Variants in WDFY2 observed in about 807,000 individuals in gnomAD.
WDFY2 encodes WD repeat and FYVE domain containing 2, also known as WD repeat and FYVE domain-containing protein 2.
WDFY2 carries 36 observed loss-of-function variants against 56.4 expected under a neutral mutation model. That is an observed-to-expected ratio of 0.64 (90% CI 0.49 to 0.84). WDFY2 has a LOEUF of 0.84. WDFY2 is among the 40% of genes least tolerant of loss of function. WDFY2 has a pLI of 0.00. For synonymous variants in WDFY2, 176 were observed against 183.7 expected, an observed-to-expected ratio of 0.96 and a Z score of 0.34; for missense variants, 444 against 512.2, an observed-to-expected ratio of 0.87 and a Z score of 1.29.
At chr13:51,684,371 T>G (rs538984432) in intron 3 of WDFY2, among the ~76,000 whole-genome samples, 126 of 151,294 alleles carry the variant, frequency 8.3e-4, no homozygotes, top group East Asian at 9.7e-4. Flanking sequence ...ATTTGGTGTT[T>G]TTTTTTTTTT....
At chr13:51,653,110 A>G (rs1955431216) in intron 1 of WDFY2, among the ~76,000 whole-genome samples, 1 of 152,032 alleles carries the variant, frequency 6.6e-6, no homozygotes, top group African/African-American at 2.4e-5. Flanking sequence ...GTTTCTTTTT[A>G]TTCTTTTTTC....
chr13:51,656,557 T>C (rs995686359), intron 1 of WDFY2, among the ~76,000 whole-genome samples: 1 of 152,028 alleles, frequency 6.6e-6, no homozygotes, highest in Non-Finnish European at 1.5e-5. Flanking sequence ...TGTATGGATG[T>C]TCTATCTTTT....
chr13:51,635,315 A>G (rs1392889529), intron 1 of WDFY2, among the ~76,000 whole-genome samples: 2 of 152,204 alleles, frequency 1.3e-5, no homozygotes, highest in Non-Finnish European at 2.9e-5. Flanking sequence ...TTTTCATGCC[A>G]GGCTGTGAAG....
At chr13:51,689,435 G>A (rs1015119071) in intron 3 of WDFY2, among the ~76,000 whole-genome samples, 14 of 152,144 alleles carry the variant, frequency 9.2e-5, no homozygotes, top group African/African-American at 3.4e-4. Context: ...TTGTCTCTTT[G>A]TAGGTGATAT....
intron 1 of WDFY2, among the ~76,000 whole-genome samples, chr13:51,607,170 C>CT (rs1345693387): frequency 6.6e-6 from 1 of 152,188 alleles, no homozygotes; most frequent in Non-Finnish European, 1.5e-5. Context: ...AGTTTTTCAC[C>CT]TTTAAGTATC....
intron 3 of WDFY2, among the ~76,000 whole-genome samples, chr13:51,698,694 G>C (rs920160236): frequency 6.6e-6 from 1 of 151,996 alleles, no homozygotes; most frequent in Non-Finnish European, 1.5e-5. Flanking sequence ...AAACTATTAA[G>C]GAAAAATTGT....
chr13:51,718,703 G>T lies in WDFY2; in HGVS notation c.335-495G>T, dbSNP rs559127547. On this transcript the variant is annotated intron_variant, in intron 4 of 11. Transcript: ENST00000298125. The stretch of plus-strand genomic sequence containing the variant: ...ATTTCTGAAAGAAAGTGTTCATCTA[G>T]AACTTTTGTATGGCTTTATAAGACA... Among the ~76,000 whole-genome samples the T allele has an allele frequency of 4.0e-4, 61 of 152,074 alleles. 2 individuals carry two copies. The South Asian group carries it at 0.012, about 31-fold the overall frequency.
intron 6 of WDFY2, among the ~76,000 whole-genome samples, chr13:51,730,993 G>A (rs1034922866): frequency 2.0e-5 from 3 of 152,196 alleles, no homozygotes; most frequent in African/African-American, 7.2e-5. Flanking sequence ...AGCAAAGAAG[G>A]TAACCTGATT....
At chr13:51,699,414 CT>C (rs1223650611) in intron 3 of WDFY2, among the ~76,000 whole-genome samples, 1 of 152,326 alleles carries the variant, frequency 6.6e-6, no homozygotes, top group Non-Finnish European at 1.5e-5. Flanking sequence ...GCATCACCGT[CT>C]TTCTCCGCTT....
At chr13:51,596,973 C>T (rs749375449) in intron 1 of WDFY2, among the ~76,000 whole-genome samples, 9 of 152,142 alleles carry the variant, frequency 5.9e-5, no homozygotes, top group South Asian at 2.1e-4. Flanking sequence ...GTGTAGTATA[C>T]GGAGAAGAAG....
At chr13:51,709,793 A>G (rs1361200356) in intron 4 of WDFY2, among the ~76,000 whole-genome samples, 3 of 152,218 alleles carry the variant, frequency 2.0e-5, no homozygotes, top group African/African-American at 7.2e-5. Context: ...GCAATAATTA[A>G]TAGGCTACCA....
intron 8 of WDFY2, 165 bp downstream of exon 8, chr13:51,751,580 G>A: frequency 3.0e-6 from 2 of 661,706 alleles, no homozygotes; most frequent in Non-Finnish European, 5.3e-6. Flanking sequence ...TCCCTCACAA[G>A]TTGGCATGTA....
chr13:51,758,465 T>C (rs933933979), intron 11 of WDFY2, among the ~76,000 whole-genome samples, 165 bp downstream of exon 11: 3 of 151,658 alleles, frequency 2.0e-5, no homozygotes, highest in Non-Finnish European at 4.4e-5. Flanking sequence ...GAGGGAGGAT[T>C]GCTTGAGTCC....
At chr13:51,642,676 CTT>C (rs999605077) in intron 1 of WDFY2, among the ~76,000 whole-genome samples, 9 of 103,076 alleles carry the variant, frequency 8.7e-5, no homozygotes, top group African/African-American at 1.9e-4. Context: ...GGGCATCTGT[CTT>C]TTTTTTTTTT....
intron 2 of WDFY2, among the ~76,000 whole-genome samples, chr13:51,664,229 A>C (rs555454278): frequency 6.6e-6 from 1 of 152,282 alleles, no homozygotes; most frequent in African/African-American, 2.4e-5. Context: ...TGCTTTGGGG[A>C]TGTCTTCCTA....
Position 51,710,356 on chromosome 13 carries a change from C to G in WDFY2, c.334+6706C>G, listed in dbSNP as rs535912301. On this transcript the variant is annotated intron_variant, in intron 4 of 11. Transcript: ENST00000298125. ...ATACTGAATGGGCAAAAACTGGAAGCATTCCCTTTGAAAACTGGCACAAGA... is the reference window on the plus strand; with the variant it reads ...ATACTGAATGGGCAAAAACTGGAAGGATTCCCTTTGAAAACTGGCACAAGA... Among the ~76,000 whole-genome samples the G allele has an allele frequency of 3.0e-3, 459 of 152,246 alleles. 2 individuals carry two copies. The highest frequency in any genetic ancestry group is 4.8e-3 in the Non-Finnish European group (328 of 68,012).
intron 3 of WDFY2, among the ~76,000 whole-genome samples, chr13:51,692,352 T>G (rs1951758591): frequency 6.6e-6 from 1 of 152,208 alleles, no homozygotes; most frequent in Non-Finnish European, 1.5e-5. Context: ...GCTCTTATTA[T>G]TTTGAAATAC....
rs940242029 is a variant in WDFY2, at chr13:51,763,160, A to G, written c.*3391A>G. On this transcript the variant is annotated 3_prime_UTR_variant, in exon 12 of 12. Coordinates refer to ENST00000298125, the MANE Select transcript of WDFY2 (RefSeq NM_052950.4). ...GATGTAAACAAGAGAATCTAAAAGA[A>G]TGTTCAAGGAATAGCTGTTTTTGAA... 4.6e-5 allele frequency: 7 copies of G among 152,230 alleles called. No homozygotes were observed. Among genetic ancestry groups the G allele is most frequent in the African/African-American group, 1.4e-4 (6 of 41,466 alleles). 9.4% of individuals were successfully genotyped at this position (152,230 alleles called of 1,614,324 possible).
intron 3 of WDFY2, among the ~76,000 whole-genome samples, chr13:51,679,698 C>A (rs1955946438): frequency 6.6e-6 from 1 of 152,100 alleles, no homozygotes; most frequent in African/African-American, 2.4e-5. Flanking sequence ...TACCAAACAG[C>A]AGTTTTTCTC....
Sources: allele counts gnomAD v4.1 joint callset (sites outside exome capture counted in the v4.1 genomes callset), GRCh38; gene constraint gnomAD v4.1.1; transcripts MANE v1.5; gene names NCBI Gene and HGNC (gene_info 2026-07-23, HGNC 2026-07-21).